Variants in TANGO6 observed in about 807,000 individuals in gnomAD.
TANGO6 encodes the protein transport and golgi organization 6 homolog.
Under a neutral mutation model 114.2 loss-of-function variants are expected in TANGO6, and 90 were observed. That is an observed-to-expected ratio of 0.79 (90% CI 0.66 to 0.94). TANGO6 has a LOEUF of 0.94. Among genes scored for constraint, TANGO6 ranks in the 40% least tolerant of loss-of-function variants. TANGO6 has a pLI of 0.00. For missense variants in TANGO6, 1,274 were observed against 1,315.3 expected, an observed-to-expected ratio of 0.97 and a Z score of 0.49; for synonymous variants, 477 against 509.8, an observed-to-expected ratio of 0.94 and a Z score of 0.87.
intron 7 of TANGO6, among the ~76,000 whole-genome samples, chr16:68,896,840 G>A (rs1962712540): frequency 1.3e-5 from 2 of 152,152 alleles, no homozygotes; most frequent in Admixed American, 1.3e-4. Context: ...AAAGTCCTAT[G>A]TCTCTGTTTC....
intron 15 of TANGO6, among the ~76,000 whole-genome samples, chr16:69,001,178 G>A (rs752330127): frequency 1.3e-5 from 2 of 152,100 alleles, no homozygotes; most frequent in Non-Finnish European, 2.9e-5. Flanking sequence ...GGCCTATAAA[G>A]TCTGACTCTT....
At chr16:68,854,208 C>CT (rs1301976183) in intron 1 of TANGO6, among the ~76,000 whole-genome samples, 1 of 152,166 alleles carries the variant, frequency 6.6e-6, no homozygotes, top group African/African-American at 2.4e-5. Flanking sequence ...AATCCCAGCA[C>CT]TTTAAGAGGC....
chr16:68,863,119 G>C (rs1567526391), intron 3 of TANGO6, 58 bp downstream of exon 3: 1 of 1,064,718 alleles, frequency 9.4e-7, no homozygotes, highest in Non-Finnish European at 1.3e-6. Context: ...GTGGTTTGCT[G>C]TCTTCTTCTG....
intron 7 of TANGO6, among the ~76,000 whole-genome samples, chr16:68,881,852 A>G (rs1426568533): frequency 6.6e-6 from 1 of 152,148 alleles, no homozygotes; most frequent in East Asian, 1.9e-4. Flanking sequence ...AATATTCTTT[A>G]AAGTTTATTT....
chr16:68,956,459 C>T (rs982519718), intron 14 of TANGO6, among the ~76,000 whole-genome samples: 12 of 152,166 alleles, frequency 7.9e-5, no homozygotes, highest in African/African-American at 2.9e-4. Context: ...CTAAGGAATA[C>T]GCCTCCAGAT....
At chr16:69,070,958 G>A (rs927757838) in intron 17 of TANGO6, among the ~76,000 whole-genome samples, 1 of 151,868 alleles carries the variant, frequency 6.6e-6, no homozygotes, top group African/African-American at 2.4e-5. Flanking sequence ...ACTCTTAGTA[G>A]AGACGGGGTT....
At chr16:69,070,913 AC>A (rs1283849336) in intron 17 of TANGO6, among the ~76,000 whole-genome samples, 31 of 151,850 alleles carry the variant, frequency 2.0e-4, no homozygotes. Flanking sequence ...AACTGGGATT[AC>A]AGGTACCCAC....
intron 15 of TANGO6, among the ~76,000 whole-genome samples, chr16:69,007,709 A>G (rs1431823190): frequency 6.6e-6 from 1 of 152,162 alleles, no homozygotes. Flanking sequence ...TGGTAACTCT[A>G]TGTTTAACTT....
chr16:68,927,761 G>A lies in TANGO6; in HGVS notation c.2321G>A (p.Gly774Glu), dbSNP rs747181358. 2 of 1,613,914 alleles carry A rather than the reference G, an allele frequency of 1.2e-6. No homozygotes were observed. Among genetic ancestry groups the A allele is most frequent in the Non-Finnish European group, 1.7e-6 (2 of 1,179,880 alleles). ...QSTLNRKDLE[G>E]KIEEQQQTSH... ...ACACTGAACAGAAAAGATCTGGAAG[G>A]GAAAATAGAAGAGCAGCAACAAACC... Residue 774 changes from glycine to glutamate, a missense_variant, in exon 13 of 18, where the codon GGG becomes GAG. Coordinates refer to ENST00000261778, the MANE Select transcript of TANGO6 (RefSeq NM_024562.2).
In TANGO6 at chr16:68,843,716, G is replaced by A; in HGVS notation, c.94+5G>A. On this transcript the variant is annotated splice_donor_5th_base_variant and intron_variant, in intron 1 of 17. Transcript: ENST00000261778. ...AGCTGCTGCTGAGCCCGGGAGGTGA[G>A]AGGACGCATCTCCGCGCCGGGCTGG... 6.2e-7 allele frequency: 1 copy of A among 1,613,522 alleles called. No homozygotes were observed. The highest frequency in any genetic ancestry group is 8.5e-7 in the Non-Finnish European group (1 of 1,179,616).
chr16:68,918,951 G>A (rs1963050200), intron 11 of TANGO6, 134 bp from the exon 12 acceptor site: 5 of 1,016,206 alleles, frequency 4.9e-6, no homozygotes, highest in Admixed American at 2.8e-5. Flanking sequence ...TGCATGGTAA[G>A]TAGCAGTTGT....
intron 14 of TANGO6, among the ~76,000 whole-genome samples, chr16:68,970,594 G>T (rs1453982083): frequency 6.6e-6 from 1 of 151,156 alleles, no homozygotes; most frequent in Non-Finnish European, 1.5e-5. Flanking sequence ...TTGAACCCGG[G>T]AGATGGAGGT....
At chr16:68,854,620 T>TG (rs1211350637) in intron 1 of TANGO6, among the ~76,000 whole-genome samples, 8 of 117,648 alleles carry the variant, frequency 6.8e-5, no homozygotes, top group Non-Finnish European at 1.6e-4. Flanking sequence ...AGGTCAAAGT[T>TG]TTTTTTTTTT....
intron 12 of TANGO6, among the ~76,000 whole-genome samples, chr16:68,921,122 A>T (rs1020980121): frequency 6.7e-6 from 1 of 150,154 alleles, no homozygotes; most frequent in Non-Finnish European, 1.5e-5. Context: ...CTGTCTCAAA[A>T]AAAAAAAAAA....
intron 17 of TANGO6, among the ~76,000 whole-genome samples, chr16:69,062,744 A>C (rs1470289142): frequency 1.4e-5 from 2 of 144,728 alleles, no homozygotes; most frequent in Non-Finnish European, 3.0e-5. Flanking sequence ...AAGTTCTGGG[A>C]TTACAGGCAT....
At chr16:68,886,628 C>T (rs563865073) in intron 7 of TANGO6, among the ~76,000 whole-genome samples, 17 of 152,172 alleles carry the variant, frequency 1.1e-4, no homozygotes, top group Non-Finnish European at 2.4e-4. Flanking sequence ...CCTGCCTCAG[C>T]CTCCCCGGTA....
chr16:68,865,858 C>T (rs1405616851), intron 3 of TANGO6, among the ~76,000 whole-genome samples: 1 of 151,644 alleles, frequency 6.6e-6, no homozygotes, highest in Non-Finnish European at 1.5e-5. Context: ...GCGGAGGTTG[C>T]AGCGAGCCGA....
At position 68,991,024 on chromosome 16, in the gene TANGO6, A is replaced by G. The variant is rs28370885; in HGVS notation, c.2842+16856A>G. Among the ~76,000 whole-genome samples, 13 of 152,302 alleles carry G rather than the reference A, an allele frequency of 8.5e-5. No individual in the cohort carries two copies. The East Asian group carries it at 2.5e-3, about 29-fold the overall frequency. The stretch of plus-strand genomic sequence containing the variant: ...AGGCTTACACGTGATAAAGACAGAA[A>G]AAAGATGTCCCCAGATAGGAAAGAA... On this transcript the variant is annotated intron_variant, in intron 15 of 17. Coordinates refer to ENST00000261778, the MANE Select transcript of TANGO6 (RefSeq NM_024562.2).
chr16:68,945,532 T>C (rs1268827697), intron 14 of TANGO6, among the ~76,000 whole-genome samples: 1 of 152,222 alleles, frequency 6.6e-6, no homozygotes, highest in Non-Finnish European at 1.5e-5. Flanking sequence ...CAAATTTGTT[T>C]GATCAGCTTT....
Sources: allele counts gnomAD v4.1 joint callset (sites outside exome capture counted in the v4.1 genomes callset), GRCh38; gene constraint gnomAD v4.1.1; transcripts MANE v1.5; gene names NCBI Gene and HGNC (gene_info 2026-07-23, HGNC 2026-07-21).